The following KCNK6 variants were observed in gnomAD, a reference collection of about 807,000 sequenced individuals.
KCNK6 encodes the protein potassium two pore domain channel subfamily K member 6.
A neutral mutation model predicts 21.9 loss-of-function variants in KCNK6; 20 were observed. That is an observed-to-expected ratio of 0.91 (90% CI 0.64 to 1.32). KCNK6 has a LOEUF of 1.32. Among genes scored for constraint, KCNK6 ranks in the 40% most tolerant of loss-of-function variants. The probability of loss-of-function intolerance (pLI) is 0.00; values close to 1 mark genes in which losing one functional copy is unlikely to be tolerated. For synonymous variants in KCNK6, 210 were observed against 218.0 expected, an observed-to-expected ratio of 0.96 and a Z score of 0.32; for missense variants, 415 against 433.1, an observed-to-expected ratio of 0.96 and a Z score of 0.37.
Position 38,320,283 on chromosome 19 carries a change from G to A in KCNK6, c.322+11G>A. The A allele has an allele frequency of 6.2e-7, 1 of 1,604,346 alleles. No homozygotes were observed. ...TGATCACCACCGTGGGTACGTAAGC[G>A]CCTCACCGCAAGGCGGCGAGGACCC... On this transcript the variant is annotated intron_variant, in intron 1 of 2. Transcript: ENST00000263372.
Position 38,320,171 on chromosome 19 carries a change from G to A in KCNK6, c.221G>A (p.Arg74Gln). The part of the protein sequence containing the change: ...ERVLAAGRLG[R>Q]VVLANASGSA... ...GTGCTGGCGGCCGGACGGCTGGGGC[G>A]GGTCGTGCTTGCTAACGCTTCGGGG... The change falls in exon 1 of 3, where the codon CGG becomes CAG. Residue 74 changes from arginine to glutamine, a missense_variant. By Grantham distance (43) the Arg-to-Gln change is conservative. Coordinates refer to ENST00000263372, the MANE Select transcript of KCNK6 (RefSeq NM_004823.3). 1 of 1,598,982 alleles carries A rather than the reference G, an allele frequency of 6.3e-7. No homozygotes were observed. The highest frequency in any genetic ancestry group is 8.5e-7 in the Non-Finnish European group (1 of 1,178,948).
At chr19:38,320,387 C>T in intron 1 of KCNK6, 115 bp downstream of exon 1, 3 of 1,135,476 alleles carry the variant, frequency 2.6e-6, no homozygotes, top group Non-Finnish European at 3.7e-6. Context: ...CTCTGGGCTT[C>T]GGATCCCCCG....
At chr19:38,323,233 C>T (rs1414080613) in intron 1 of KCNK6, among the ~76,000 whole-genome samples, 1 of 152,172 alleles carries the variant, frequency 6.6e-6, no homozygotes, top group Non-Finnish European at 1.5e-5. Context: ...GACTGAAGTG[C>T]GGTCAAGGAG....
rs1969721848 is a variant in KCNK6 at position 38,327,261 on chromosome 19, A to G, written c.800A>G (p.Glu267Gly). Residue 267 changes from glutamate to glycine, a missense_variant, in exon 3 of 3, where the codon GAG (glutamate) becomes GGG (glycine). Glu to Gly is a moderately conservative substitution (Grantham distance 98). Coordinates refer to ENST00000263372, the MANE Select transcript of KCNK6 (RefSeq NM_004823.3). ...GTGTCCGACCTCCACGGCCTCACGG[A>G]GCTCATCCTGCTGCCCCCTCCGTGC... ...RHVSDLHGLT[E>G]LILLPPPCPA... 2 of 1,613,472 alleles carry G rather than the reference A, an allele frequency of 1.2e-6. No individual in the cohort carries two copies. The highest frequency in any genetic ancestry group is 1.3e-5 in the African/African-American group (1 of 74,892).
At chr19:38,325,518 A>G (rs1251869831) in intron 1 of KCNK6, 41 of 985,388 alleles carry the variant, frequency 4.2e-5, no homozygotes, top group Non-Finnish European at 4.8e-5. Context: ...GAGCGCCCAC[A>G]GCAGTGATGA....
Position 38,327,481 on chromosome 19 carries a change from G to A in KCNK6, c.*78G>A, listed in dbSNP as rs940672455. ...CAGGCGACCAGAGCTGGCTGTACAG[G>A]AATGTCCACGAGCACAGCAGGTGAT... On this transcript the variant is annotated 3_prime_UTR_variant, in exon 3 of 3. Coordinates refer to ENST00000263372, the MANE Select transcript of KCNK6 (RefSeq NM_004823.3). The A allele has an allele frequency of 7.6e-6, 10 of 1,311,906 alleles. No individual in the cohort carries two copies. In the Admixed American group the frequency reaches 2.0e-4, roughly 26 times the overall value. The allele number at this position is 1,311,906 out of a possible 1,614,324, so 81.3% of individuals were successfully genotyped here.
Position 38,327,260 on chromosome 19 carries a change from G to C in KCNK6, c.799G>C (p.Glu267Gln). Residue 267 changes from glutamate (E) to glutamine (Q), a missense_variant, in exon 3 of 3, where the codon GAG (glutamate) becomes CAG (glutamine). Glu to Gln is a conservative substitution (Grantham distance 29, BLOSUM62 2). Transcript: ENST00000263372. ...CGTGTCCGACCTCCACGGCCTCACGGAGCTCATCCTGCTGCCCCCTCCGTG... is the reference window on the plus strand; with the variant it reads ...CGTGTCCGACCTCCACGGCCTCACGCAGCTCATCCTGCTGCCCCCTCCGTG... ...RHVSDLHGLT[E>Q]LILLPPPCPA... The C allele has an allele frequency of 6.2e-7, 1 of 1,613,714 alleles. No individual in the cohort carries two copies. Among genetic ancestry groups the C allele is most frequent in the South Asian group, 1.1e-5 (1 of 91,086 alleles).
Position 38,326,535 on chromosome 19 carries a change from A to C in KCNK6, c.323-58A>C, listed in dbSNP as rs941692613. ...CGCTGCACTCCAGCCCGGGTGACAG[A>C]GTGACCCCCATCTCTAAAAAGAAAA... On this transcript the variant is annotated intron_variant, in intron 1 of 2. Transcript: ENST00000263372. The C allele has an allele frequency of 5.3e-6, 8 of 1,522,194 alleles. No individual in the cohort carries two copies. The Admixed American group carries it at 1.5e-4, about 29-fold the overall frequency. The allele number at this position is 1,522,194 out of a possible 1,614,324, so 94.3% of individuals were successfully genotyped here.
Position 38,327,521 on chromosome 19 carries a change from G to A in KCNK6, c.*118G>A, listed in dbSNP as rs902708690. The stretch of plus-strand genomic sequence containing the variant: ...CAGCAGGTGATCTTGAGGCCTTGCC[G>A]TCCACCGTCTCTCCTTTGTTTCCCA... On this transcript the variant is annotated 3_prime_UTR_variant, in exon 3 of 3. Transcript: ENST00000263372. 4.4e-5 allele frequency: 39 copies of A among 876,784 alleles called. No individual in the cohort carries two copies. Among genetic ancestry groups the A allele is most frequent in the Admixed American group, 1.9e-4 (8 of 41,608 alleles). The allele number at this position is 876,784 out of a possible 1,614,324, so 54.3% of individuals were successfully genotyped here. A position where few individuals can be genotyped will look rare whatever the true frequency, so the allele number is the denominator to read the frequency against.
At chr19:38,323,101 A>C (rs1969669941) in intron 1 of KCNK6, among the ~76,000 whole-genome samples, 2 of 152,186 alleles carry the variant, frequency 1.3e-5, no homozygotes, top group Admixed American at 1.3e-4. Context: ...CGTTAGAGCA[A>C]GACTCTGTCT....
chr19:38,322,942 A>T (rs1369885822), intron 1 of KCNK6, among the ~76,000 whole-genome samples: 1 of 151,174 alleles, frequency 6.6e-6, no homozygotes, highest in East Asian at 1.9e-4. Flanking sequence ...ACGAAACCCC[A>T]TCTCTACTAA....
At chr19:38,325,641 G>C in intron 1 of KCNK6, 5 of 639,124 alleles carry the variant, frequency 7.8e-6, no homozygotes, top group Non-Finnish European at 7.8e-6. Context: ...TGGGTAAGAG[G>C]ATGTTACCAT....
At position 38,327,301 on chromosome 19, in the gene KCNK6, T is replaced by C. The variant is rs565514694; in HGVS notation, c.840T>C (p.Asn280=). 1.9e-6 allele frequency: 3 copies of C among 1,613,670 alleles called. No homozygotes were observed. The African/African-American group carries it at 4.0e-5, about 22-fold the overall frequency. Reference sequence around the variant, plus strand: ...CCCCTCCGTGCCCTGCCAGTTTCAATGCGGATGAGGACGATCGGGTGGACA... The same window carrying C: ...CCCCTCCGTGCCCTGCCAGTTTCAACGCGGATGAGGACGATCGGGTGGACA... ...LLPPPCPASF[N]ADEDDRVDIL... is the part of the protein sequence containing the mutation. Residue 280 remains asparagine (N), a synonymous_variant, in exon 3 of 3, where the codon AAT becomes AAC. Transcript: ENST00000263372.
chr19:38,322,762 C>T (rs950114382), intron 1 of KCNK6, among the ~76,000 whole-genome samples: 1 of 151,820 alleles, frequency 6.6e-6, no homozygotes, highest in Non-Finnish European at 1.5e-5. Flanking sequence ...TTGCAATAAG[C>T]TGAGATTGTG....
Position 38,326,869 on chromosome 19 carries a change from G to T in KCNK6, c.599G>T (p.Ser200Ile), listed in dbSNP as rs745904290. The T allele has an allele frequency of 9.3e-6, 15 of 1,611,994 alleles. No homozygotes were observed. The East Asian group carries it at 3.1e-4, about 34-fold the overall frequency. The change falls in exon 2 of 3, where the codon AGC becomes ATC. Residue 200 changes from serine (S) to isoleucine (I), a missense_variant. Physicochemically the swap from Ser to Ile is moderately radical, Grantham distance 142 (BLOSUM62 -2). Transcript: ENST00000263372. ...VIFAHLEEAW[S>I]FLDAFYFCFI... ...TTTGCCCACCTCGAGGAGGCCTGGA[G>T]CTTCTTGGATGCCTTCTACTTCTGC...
chr19:38,326,743 G>A lies in KCNK6; in HGVS notation c.473G>A (p.Ser158Asn). ...ACTCACGTGCCCCTGTCTTGGCTGA[G>A]CATGCGTTGGGGCTGGGACCCCCGG... ...LLTHVPLSWL[S>N]MRWGWDPRRA... The change falls in exon 2 of 3, where the codon AGC becomes AAC. Residue 158 changes from serine (S) to asparagine (N), a missense_variant. By Grantham distance (46) the Ser-to-Asn change is conservative. Transcript: ENST00000263372. 6.2e-7 allele frequency: 1 copy of A among 1,604,456 alleles called. No homozygotes were observed. The highest frequency in any genetic ancestry group is 1.3e-5 in the African/African-American group (1 of 75,062).
At chr19:38,321,699 T>G (rs1969653724) in intron 1 of KCNK6, among the ~76,000 whole-genome samples, 1 of 152,204 alleles carries the variant, frequency 6.6e-6, no homozygotes, top group Non-Finnish European at 1.5e-5. Flanking sequence ...GGGGGCAGCT[T>G]TTGCTTTTGG....
In KCNK6 at chr19:38,326,964, GC is replaced by G; in HGVS notation, c.697del (p.Leu233SerfsTer97). The G allele has an allele frequency of 6.2e-7, 1 of 1,604,464 alleles. No homozygotes were observed. On this transcript the variant is annotated frameshift_variant, in exon 2 of 3. Transcript: ENST00000263372. LOFTEE classifies it high-confidence loss of function. ...GGAGGCCCCTGGCCAGCCCTACCGG[GC>G]CCTCTACAAGGTGCTGGTCACAGGT... ...PGEAPGQPYR[A>X]LYKVLVTVYL... is the part of the protein sequence containing the mutation.
At chr19:38,320,659 A>G (rs1324044766) in intron 1 of KCNK6, among the ~76,000 whole-genome samples, 1 of 151,884 alleles carries the variant, frequency 6.6e-6, no homozygotes, top group Non-Finnish European at 1.5e-5. Context: ...CCCGGTTTCA[A>G]GCTATTCTCC....
Sources: allele counts gnomAD v4.1 joint callset (sites outside exome capture counted in the v4.1 genomes callset), GRCh38; gene constraint gnomAD v4.1.1; transcripts MANE v1.5; gene names NCBI Gene and HGNC (gene_info 2026-07-23, HGNC 2026-07-21).